Variants in EYS observed in about 807,000 individuals in gnomAD.
EYS encodes protein eyes shut homolog.
EYS carries 250 observed loss-of-function variants against 282.1 expected under a neutral mutation model. The observed-to-expected ratio is 0.89, with a 90% CI of 0.80 to 0.98. The LOEUF is 0.98. EYS is among the 50% of genes least tolerant of loss of function. The probability of loss-of-function intolerance (pLI) is 0.00; values close to 1 mark genes in which losing one functional copy is unlikely to be tolerated. For missense variants in EYS, 4,016 were observed against 3,709.0 expected (o/e 1.08, Z -2.15); for synonymous variants, 1,355 against 1,282.9 (o/e 1.06, Z -1.20).
intron 9 of EYS, among the ~76,000 whole-genome samples, chr6:65,347,476 T>C (rs1770442923): frequency 6.6e-6 from 1 of 151,922 alleles, no homozygotes; most frequent in South Asian, 2.1e-4. Context: ...GCAGATATTT[T>C]TACTTGTCTT....
At chr6:64,549,556 C>T (rs16895486) in intron 26 of EYS, among the ~76,000 whole-genome samples, 2,109 of 152,072 alleles carry the variant, frequency 0.014, 61 homozygotes, top group East Asian at 0.11. Context: ...TGTTATATTC[C>T]GGGATAAACT....
chr6:64,864,385 C>CTTTTTTTTTTTTTTTTTTTTTTTTTTGT (rs769240399), intron 19 of EYS, among the ~76,000 whole-genome samples: 1 of 57,166 alleles, frequency 1.7e-5, no homozygotes, highest in Non-Finnish European at 3.6e-5. Flanking sequence ...GCTATACCTT[C>CTTTTTTTTTTTTTTTTTTTTTTTTTTGT]TTTTTTTTTT....
At chr6:63,817,073 G>C (rs952403649) in intron 36 of EYS, among the ~76,000 whole-genome samples, 1 of 152,186 alleles carries the variant, frequency 6.6e-6, no homozygotes, top group African/African-American at 2.4e-5. Flanking sequence ...CTAAATTTCA[G>C]TTACTAAACT....
In EYS at chr6:64,307,068, G is replaced by A; in HGVS notation, c.6093C>T (p.Val2031=). 1 of 1,458,016 alleles carries A rather than the reference G, an allele frequency of 6.9e-7. No individual in the cohort carries two copies. Among genetic ancestry groups the A allele is most frequent in the Non-Finnish European group, 9.4e-7 (1 of 1,067,998 alleles). The allele number at this position is 1,458,016 out of a possible 1,614,324, so 90.3% of individuals were successfully genotyped here. A position where few individuals can be genotyped will look rare whatever the true frequency, so the allele number is the denominator to read the frequency against. ...LHGKIQMPVP[V]KNFTGCIEVI... The stretch of plus-strand genomic sequence containing the variant: ...CTTCTATGCAGCCAGTAAAATTCTT[G>A]ACTGGTACAGGCATCTGAGAGAGAG... The change falls in exon 30 of 43, where the codon GTC becomes GTT. Residue 2031 remains valine (V), a synonymous_variant. Coordinates refer to ENST00000503581, the MANE Select transcript of EYS (RefSeq NM_001142800.2).
chr6:65,261,649 T>G (rs897807446), intron 12 of EYS, among the ~76,000 whole-genome samples: 6 of 152,104 alleles, frequency 3.9e-5, no homozygotes, highest in African/African-American at 1.4e-4. Context: ...GATCAAATTG[T>G]TAAAAATTTT....
chr6:65,702,689 G>A (rs1034445039), intron 1 of EYS, among the ~76,000 whole-genome samples: 4 of 151,670 alleles, frequency 2.6e-5, no homozygotes, highest in African/African-American at 9.7e-5. Context: ...GAGACTCCAC[G>A]TCAAAAAATA....
intron 25 of EYS, 141 bp from the exon 26 acceptor site, chr6:64,592,130 T>C (rs1369216166): frequency 1.8e-6 from 1 of 540,672 alleles, no homozygotes. Context: ...TAAATCATAT[T>C]TCTAATAAAA....
At chr6:63,799,688 G>A (rs990273112) in intron 37 of EYS, among the ~76,000 whole-genome samples, 2 of 152,212 alleles carry the variant, frequency 1.3e-5, no homozygotes. Flanking sequence ...CTAATGCTTT[G>A]ATTTATGAAA....
chr6:63,754,991 T>TTA (rs1404304371), intron 41 of EYS, among the ~76,000 whole-genome samples: 5 of 152,246 alleles, frequency 3.3e-5, no homozygotes, highest in African/African-American at 2.4e-5. Flanking sequence ...ATGTCTTCTT[T>TTA]TATGAAGTGT....
At chr6:65,706,362 A>T (rs1769878711) in intron 1 of EYS, among the ~76,000 whole-genome samples, 1 of 152,072 alleles carries the variant, frequency 6.6e-6, no homozygotes, top group African/African-American at 2.4e-5. Flanking sequence ...ATATTTAAAT[A>T]ATAAAGATTT....
At chr6:64,050,137 A>G (rs1445295769) in intron 33 of EYS, among the ~76,000 whole-genome samples, 5 of 152,192 alleles carry the variant, frequency 3.3e-5, no homozygotes, top group African/African-American at 1.2e-4. Flanking sequence ...TTTCTTTAAC[A>G]GAGATATATT....
At chr6:64,764,175 C>T (rs1366185291) in intron 22 of EYS, among the ~76,000 whole-genome samples, 1 of 152,234 alleles carries the variant, frequency 6.6e-6, no homozygotes, top group East Asian at 1.9e-4. Context: ...GGGCTCCAAC[C>T]ACACATTTCC....
chr6:64,318,269 T>C (rs1770058550), intron 29 of EYS, among the ~76,000 whole-genome samples: 1 of 152,052 alleles, frequency 6.6e-6, no homozygotes, highest in Admixed American at 6.6e-5. Context: ...TTATTCTACC[T>C]CCATATTAGT....
At chr6:65,028,740 A>C (rs1772505077) in intron 13 of EYS, among the ~76,000 whole-genome samples, 1 of 152,096 alleles carries the variant, frequency 6.6e-6, no homozygotes, top group Non-Finnish European at 1.5e-5. Context: ...TAAAAAATTT[A>C]TGTAATTTAT....
chr6:64,943,866 G>C (rs1366374552), intron 15 of EYS, among the ~76,000 whole-genome samples: 4 of 152,016 alleles, frequency 2.6e-5, no homozygotes, highest in African/African-American at 9.7e-5. Context: ...AATGTACGTA[G>C]AGTGAAGAAA....
At chr6:65,625,678 A>G (rs1409367664) in intron 2 of EYS, among the ~76,000 whole-genome samples, 2 of 152,194 alleles carry the variant, frequency 1.3e-5, no homozygotes, top group Non-Finnish European at 2.9e-5. Context: ...AGTTTGAGTT[A>G]AGTTTCTGAA....
At chr6:63,816,477 C>G (rs972331056) in intron 36 of EYS, among the ~76,000 whole-genome samples, 10 of 152,232 alleles carry the variant, frequency 6.6e-5, no homozygotes, top group Admixed American at 2.0e-4. Context: ...GACAGATTAC[C>G]TCATGGTCAG....
At chr6:64,982,268 T>C (rs368432860) in intron 14 of EYS, among the ~76,000 whole-genome samples, 1 of 151,358 alleles carries the variant, frequency 6.6e-6, no homozygotes, top group African/African-American at 2.4e-5. Context: ...TGAATTACTG[T>C]AGTAGAATTA....
At chr6:64,502,226 TTTTTTG>T (rs1199454761) in intron 26 of EYS, among the ~76,000 whole-genome samples, 9 of 148,684 alleles carry the variant, frequency 6.1e-5, no homozygotes, top group African/African-American at 2.2e-4. Context: ...GGCTGGTTTT[TTTTTTG>T]TTTTGTTTTG....
Sources: gnomAD v4.1 joint callset for allele counts (sites outside exome capture counted in the v4.1 genomes callset) on GRCh38, gnomAD v4.1.1 for gene constraint, MANE v1.5 for transcripts, NCBI Gene and HGNC (gene_info 2026-07-23, HGNC 2026-07-21) for gene names.